The following TCHP variants were observed in gnomAD, a reference collection of about 807,000 sequenced individuals.
TCHP encodes trichoplein keratin filament binding.
In TCHP, 81 loss-of-function variants were observed where a neutral mutation model predicts 88.7. The ratio of observed to expected loss-of-function variants is 0.91; its 90% CI spans 0.76 to 1.10. TCHP has a LOEUF of 1.10. TCHP is among the 50% of genes least tolerant of loss of function. The pLI is 0.00. For missense variants in TCHP, 641 were observed against 632.1 expected (o/e 1.01, Z -0.15); for synonymous variants, 232 against 232.5 (o/e 1.00, Z 0.02).
chr12:109,911,134 G>A lies in TCHP; in HGVS notation c.951G>A (p.Arg317=), dbSNP rs200187202. ...EDESQRLHLA[R]REQVMADVAW... Reference sequence around the variant, plus strand: ...AGAGCCAGCGCCTCCACCTGGCCAGGCGGGAGCAGGTCATGGCCGATGTGG... The same window carrying A: ...AGAGCCAGCGCCTCCACCTGGCCAGACGGGAGCAGGTCATGGCCGATGTGG... The change falls in exon 9 of 13, where the codon AGG becomes AGA. Residue 317 remains arginine (R), a synonymous_variant. Coordinates refer to ENST00000405876, the MANE Select transcript of TCHP (RefSeq NM_001143852.2). 6.5e-5 allele frequency: 104 copies of A among 1,597,628 alleles called. 1 individual carries two copies. In the East Asian group the frequency reaches 2.3e-3, roughly 35 times the overall value.
chr12:109,913,611 TAACTG>T (rs978326209), intron 10 of TCHP, among the ~76,000 whole-genome samples: 2 of 152,190 alleles, frequency 1.3e-5, no homozygotes, highest in African/African-American at 4.8e-5. Context: ...CTGGAGGACA[TAACTG>T]CTTTCCTGGT....
chr12:109,909,677 G>A lies in TCHP; in HGVS notation c.879+740G>A, dbSNP rs146464396. Among the ~76,000 whole-genome samples the A allele has an allele frequency of 6.8e-3, 1,038 of 152,122 alleles. 1 individual carries two copies. Among genetic ancestry groups the A allele is most frequent in the Non-Finnish European group, 9.4e-3 (641 of 67,994 alleles). On this transcript the variant is annotated intron_variant, in intron 8 of 12. Transcript: ENST00000405876. ...TCTACTAAAAATACAAAAACTAGCC[G>A]GACATGGCCGGGCGTGGCGGCTCAC...
intron 10 of TCHP, 143 bp downstream of exon 10, chr12:109,913,215 GT>G (rs770876267): frequency 1.4e-6 from 1 of 724,794 alleles, no homozygotes; most frequent in Non-Finnish European, 2.3e-6. Flanking sequence ...CATTGAAAAA[GT>G]AATATGAGCT....
At chr12:109,911,296 G>GC in intron 9 of TCHP, 61 bp downstream of exon 9, 2 of 875,958 alleles carry the variant, frequency 2.3e-6, no homozygotes, top group Non-Finnish European at 3.4e-6. Flanking sequence ...ACCTTGAAAT[G>GC]CCCCATGGGT....
rs1471143380 is a variant in TCHP at position 109,911,188 on chromosome 12, G to T, written c.1005G>T (p.Gln335His). Residue 335 changes from glutamine to histidine, a missense_variant, in exon 9 of 13, where the codon CAG becomes CAT. Transcript: ENST00000405876. Reference sequence around the variant, plus strand: ...GGATGAAGCAGGCCATTGAGGAGCAGCTGCAGCTGGAGCGGGCGCGGGAGG... The same window carrying T: ...GGATGAAGCAGGCCATTGAGGAGCATCTGCAGCTGGAGCGGGCGCGGGAGG... Reference protein sequence around the residue: ...VAWMKQAIEEQLQLERAREAE... With the variant: ...VAWMKQAIEEHLQLERAREAE... 2 of 1,590,498 alleles carry T rather than the reference G, an allele frequency of 1.3e-6. No individual in the cohort carries two copies. The highest frequency in any genetic ancestry group is 1.7e-6 in the Non-Finnish European group (2 of 1,171,118).
At chr12:109,893,380 CAAA>C in the TCHP span, among the ~76,000 whole-genome samples, 68 of 119,908 alleles carry the variant, frequency 5.7e-4, no homozygotes, top group African/African-American at 1.9e-3. Flanking sequence ...AACTCCTTCT[CAAA>C]AAAAAAAAAA....
chr12:109,901,217 G>A (rs375161617), intron 1 of TCHP, among the ~76,000 whole-genome samples: 108 of 145,114 alleles, frequency 7.4e-4, no homozygotes, highest in African/African-American at 2.8e-3. Flanking sequence ...TAGGAACCCA[G>A]CTTGTTTATC....
At chr12:109,883,601 G>A in the TCHP span, among the ~76,000 whole-genome samples, 8 of 151,406 alleles carry the variant, frequency 5.3e-5, no homozygotes, top group South Asian at 4.2e-4. Context: ...GCCCCGCCCC[G>A]CACCCTGTCC....
At chr12:109,910,864 A>G (rs1320649453) in intron 8 of TCHP, among the ~76,000 whole-genome samples, 199 bp from the exon 9 acceptor site, 3 of 152,220 alleles carry the variant, frequency 2.0e-5, no homozygotes, top group Non-Finnish European at 4.4e-5. Context: ...AGGCCTGTGC[A>G]GTGTCTGAAC....
At chr12:109,882,511 G>C in the TCHP span, among the ~76,000 whole-genome samples, 1 of 151,842 alleles carries the variant, frequency 6.6e-6, no homozygotes, top group Non-Finnish European at 1.5e-5. Context: ...TGTGGTGCAA[G>C]GAATCGGGGG....
the TCHP span, among the ~76,000 whole-genome samples, chr12:109,885,619 C>T: frequency 6.6e-6 from 1 of 151,700 alleles, no homozygotes. Flanking sequence ...TATAGCTGGA[C>T]TACAGGCGCT....
At chr12:109,894,577 C>T in the TCHP span, among the ~76,000 whole-genome samples, 1 of 151,830 alleles carries the variant, frequency 6.6e-6, no homozygotes, top group African/African-American at 2.4e-5. Context: ...ACCAGCCTGA[C>T]CAACATGGAG....
At chr12:109,882,099 T>C in the TCHP span, among the ~76,000 whole-genome samples, 3 of 152,188 alleles carry the variant, frequency 2.0e-5, no homozygotes, top group African/African-American at 7.2e-5. Context: ...TAAAACAGTG[T>C]AGTGACGGAG....
intron 1 of TCHP, among the ~76,000 whole-genome samples, chr12:109,902,820 G>A (rs960550155): frequency 2.6e-5 from 4 of 152,192 alleles, no homozygotes; most frequent in Non-Finnish European, 5.9e-5. Flanking sequence ...AAAAATGCTG[G>A]TGCCTGGGCC....
In TCHP at chr12:109,915,460, G is replaced by C; in HGVS notation, c.1378G>C (p.Glu460Gln). 1.2e-6 allele frequency: 2 copies of C among 1,613,992 alleles called. No homozygotes were observed. The highest frequency in any genetic ancestry group is 1.7e-6 in the Non-Finnish European group (2 of 1,179,882). ...AGACCAGCAGGAGGAGGAGGAAGAG[G>C]AGGAGGCCCGGCGGGTCGAGCAGCT... ...EADQQEEEEE[E>Q]EARRVEQLSD... The change falls in exon 12 of 13, where the codon GAG becomes CAG. Residue 460 changes from glutamate to glutamine, a missense_variant. Glu to Gln is a conservative substitution (Grantham distance 29, BLOSUM62 2). Coordinates refer to ENST00000405876, the MANE Select transcript of TCHP (RefSeq NM_001143852.2).
the TCHP span, among the ~76,000 whole-genome samples, chr12:109,886,357 C>T: frequency 2.0e-5 from 3 of 151,986 alleles, no homozygotes; most frequent in Admixed American, 6.6e-5. Context: ...AGGCTGGTCT[C>T]GAACTCCTGA....
chr12:109,889,528 T>C, the TCHP span, among the ~76,000 whole-genome samples: 2 of 152,132 alleles, frequency 1.3e-5, no homozygotes, highest in African/African-American at 2.4e-5. Flanking sequence ...CTGGTGGCTC[T>C]AGGCATTCCT....
intron 1 of TCHP, chr12:109,901,114 C>T (rs1025536667): frequency 2.6e-5 from 4 of 152,248 alleles, no homozygotes; most frequent in African/African-American, 9.6e-5. Context: ...CAGTCCCCTC[C>T]CCGGGGACTG....
chr12:109,883,613 A>G, the TCHP span, among the ~76,000 whole-genome samples: 1 of 151,876 alleles, frequency 6.6e-6, no homozygotes, highest in Non-Finnish European at 1.5e-5. Flanking sequence ...ACCCTGTCCT[A>G]GTGCCAGAAC....
Sources: gnomAD v4.1 joint callset for allele counts (sites outside exome capture counted in the v4.1 genomes callset) on GRCh38, gnomAD v4.1.1 for gene constraint, MANE v1.5 for transcripts, NCBI Gene and HGNC (gene_info 2026-07-23, HGNC 2026-07-21) for gene names.